The following KDM5A variants were observed in gnomAD, a reference collection of about 807,000 sequenced individuals.
KDM5A encodes the protein lysine-specific demethylase 5A.
Under a neutral mutation model 193.5 loss-of-function variants are expected in KDM5A, and 42 were observed. The observed-to-expected ratio is 0.22, with a 90% CI of 0.17 to 0.28. The LOEUF (loss-of-function observed/expected upper bound fraction) is 0.28. KDM5A is among the 10% of genes least tolerant of loss of function. KDM5A has a pLI of 1.00. For missense variants in KDM5A, 1,692 were observed against 2,055.1 expected (o/e 0.82, Z 3.42); for synonymous variants, 796 against 718.1 (o/e 1.11, Z -1.73).
intron 24 of KDM5A, among the ~76,000 whole-genome samples, chr12:298,520 T>C (rs1361198336): frequency 1.3e-5 from 2 of 152,056 alleles, no homozygotes; most frequent in Non-Finnish European, 2.9e-5. Context: ...AAAAAGGACG[T>C]CCACTCAGAG....
intron 3 of KDM5A, among the ~76,000 whole-genome samples, chr12:381,194 A>G (rs1211207039): frequency 2.0e-5 from 3 of 151,890 alleles, no homozygotes; most frequent in East Asian, 1.9e-4. Flanking sequence ...AGGTTTCTCC[A>G]TGTTGGTTGG....
chr12:309,078 G>GAA (rs1943549573), intron 22 of KDM5A, among the ~76,000 whole-genome samples: 2 of 152,148 alleles, frequency 1.3e-5, no homozygotes, highest in African/African-American at 4.8e-5. Context: ...TTAAAAGAAG[G>GAA]AAAAGGTTAT....
chr12:341,221 C>G (rs142675049), intron 10 of KDM5A, among the ~76,000 whole-genome samples: 1 of 152,142 alleles, frequency 6.6e-6, no homozygotes, highest in East Asian at 1.9e-4. Context: ...TTCCATTTGC[C>G]AATGGAAGGG....
intron 5 of KDM5A, among the ~76,000 whole-genome samples, chr12:358,695 A>C (rs1182823394): frequency 1.3e-5 from 2 of 152,174 alleles, no homozygotes; most frequent in Non-Finnish European, 2.9e-5. Context: ...AACAAAGGCC[A>C]GGCATGATGA....
At chr12:360,962 TG>T (rs1173739318) in intron 5 of KDM5A, among the ~76,000 whole-genome samples, 1 of 152,130 alleles carries the variant, frequency 6.6e-6, no homozygotes, top group Non-Finnish European at 1.5e-5. Flanking sequence ...AGACTAAGTA[TG>T]AATACCAGTA....
intron 10 of KDM5A, among the ~76,000 whole-genome samples, chr12:339,234 ACT>A (rs1210595678): frequency 6.6e-6 from 1 of 152,078 alleles, no homozygotes; most frequent in Non-Finnish European, 1.5e-5. Flanking sequence ...CAAAAGGGTA[ACT>A]CATATCACAG....
intron 26 of KDM5A, among the ~76,000 whole-genome samples, chr12:295,313 G>C (rs1591898471): frequency 6.7e-6 from 1 of 149,174 alleles, no homozygotes; most frequent in African/African-American, 2.5e-5. Flanking sequence ...AAGGAAAGGA[G>C]AAAAGAAAGA....
Position 308,011 on chromosome 12 carries a change from C to T in KDM5A, c.3379-6G>A. 1 of 1,613,432 alleles carries T rather than the reference C, an allele frequency of 6.2e-7. No individual in the cohort carries two copies. The highest frequency in any genetic ancestry group is 8.5e-7 in the Non-Finnish European group (1 of 1,179,758). ...CGTTCTTTGAAAACTGCCACCTGTA[C>T]AAGACAAACATTTAATTGAAAAGAG... On this transcript the variant is annotated splice_region_variant and splice_polypyrimidine_tract_variant and intron_variant, in intron 22 of 27. Coordinates refer to ENST00000399788, the MANE Select transcript of KDM5A (RefSeq NM_001042603.3).
rs570312562 is a variant in KDM5A, at chr12:331,771, T to G, written c.1773+48A>C. 8 of 1,611,128 alleles carry G rather than the reference T, an allele frequency of 5.0e-6. No individual in the cohort carries two copies. The African/African-American group carries it at 8.0e-5, about 16-fold the overall frequency. On this transcript the variant is annotated intron_variant, in intron 13 of 27. Transcript: ENST00000399788. ...TATGGCAACTAAGCTGCTTTATATT[T>G]ATAGGGGGGTTAGTAGACGTACAAC...
At chr12:371,697 T>TA (rs1944430058) in intron 3 of KDM5A, among the ~76,000 whole-genome samples, 1 of 152,216 alleles carries the variant, frequency 6.6e-6, no homozygotes, top group Non-Finnish European at 1.5e-5. Flanking sequence ...ATGTCCTGAA[T>TA]GGTACTGCCT....
chr12:340,499 G>T (rs774449294), intron 10 of KDM5A, among the ~76,000 whole-genome samples: 28 of 152,060 alleles, frequency 1.8e-4, no homozygotes, highest in Middle Eastern at 6.8e-3. Context: ...TTCGAGACCA[G>T]CCTGGCCAAC....
intron 24 of KDM5A, among the ~76,000 whole-genome samples, chr12:299,750 A>G (rs1943418784): frequency 6.6e-6 from 1 of 152,136 alleles, no homozygotes; most frequent in African/African-American, 2.4e-5. Context: ...AGACTAGCCA[A>G]TTGGATAAAG....
chr12:388,902 C>G (rs770596384), intron 1 of KDM5A, 25 bp downstream of exon 1: 5 of 1,613,520 alleles, frequency 3.1e-6, no homozygotes, highest in Non-Finnish European at 3.4e-6. Flanking sequence ...TCCTTCTCCC[C>G]CTCTCTCTTC....
chr12:329,199 C>T, intron 13 of KDM5A, 170 bp from the exon 14 acceptor site: 5 of 636,596 alleles, frequency 7.9e-6, no homozygotes, highest in South Asian at 7.5e-5. Context: ...CCTGTAAGAC[C>T]CAGCCAGAGT....
intron 3 of KDM5A, among the ~76,000 whole-genome samples, chr12:367,333 T>G (rs1387702008): frequency 6.6e-6 from 1 of 152,092 alleles, no homozygotes; most frequent in African/African-American, 2.4e-5. Flanking sequence ...GGAGGATCAC[T>G]TGAGCCCAGG....
chr12:322,324 A>T, intron 17 of KDM5A, 93 bp downstream of exon 17: 1 of 1,151,900 alleles, frequency 8.7e-7, no homozygotes, highest in Non-Finnish European at 1.3e-6. Flanking sequence ...GAGGTCAAAG[A>T]TAATGTACGG....
At chr12:332,375 G>T (rs1943876602) in intron 12 of KDM5A, among the ~76,000 whole-genome samples, 1 of 152,098 alleles carries the variant, frequency 6.6e-6, no homozygotes. Context: ...CCCAAAATCA[G>T]TTTTCCTGAA....
Position 389,060 on chromosome 12 carries a change from GC to G in KDM5A, c.31del (p.Ala11ArgfsTer55). On this transcript the variant is annotated frameshift_variant, in exon 1 of 28. Coordinates refer to ENST00000399788, the MANE Select transcript of KDM5A (RefSeq NM_001042603.3). LOFTEE classifies it high-confidence loss of function. ...GCACTCTGGCGGTGGCACGAACTCC[GC>G]CGCGTAGCCCCCCGGCCCCACGCCC... is the stretch of plus-strand genomic sequence containing the variant. MAGVGPGGYA[A>X]EFVPPPECPV... The G allele has an allele frequency of 7.1e-7, 1 of 1,404,400 alleles. No individual in the cohort carries two copies. Among genetic ancestry groups the G allele is most frequent in the East Asian group, 2.5e-5 (1 of 39,610 alleles). The allele number at this position is 1,404,400 out of a possible 1,614,324, so 87.0% of individuals were successfully genotyped here. A position where few individuals can be genotyped will look rare whatever the true frequency, so the allele number is the denominator to read the frequency against.
intron 11 of KDM5A, 54 bp from the exon 12 acceptor site, chr12:333,703 G>A (rs1333092498): frequency 2.0e-6 from 3 of 1,509,814 alleles, no homozygotes; most frequent in African/African-American, 1.4e-5. Flanking sequence ...AATGAGGCTA[G>A]GGTATCTGAT....
Sources: allele counts gnomAD v4.1 joint callset (sites outside exome capture counted in the v4.1 genomes callset), GRCh38; gene constraint gnomAD v4.1.1; transcripts MANE v1.5; gene names NCBI Gene and HGNC (gene_info 2026-07-23, HGNC 2026-07-21).